PHACTR1: variants seen among roughly 807,000 people sequenced by gnomAD.
PHACTR1 encodes phosphatase and actin regulator 1.
A neutral mutation model predicts 69.2 loss-of-function variants in PHACTR1; 16 were observed. The observed-to-expected ratio is 0.23, with a 90% CI of 0.16 to 0.35. The LOEUF is 0.35. Among genes scored for constraint, PHACTR1 ranks in the 10% least tolerant of loss-of-function variants. PHACTR1 has a pLI of 1.00. For synonymous variants in PHACTR1, 312 were observed against 284.5 expected, an observed-to-expected ratio of 1.10 and a Z score of -0.97; for missense variants, 510 against 734.7, an observed-to-expected ratio of 0.69 and a Z score of 3.54.
intron 4 of PHACTR1, among the ~76,000 whole-genome samples, chr6:12,777,237 A>ATTT (rs1361393266): frequency 1.7e-4 from 20 of 119,794 alleles, no homozygotes; most frequent in African/African-American, 6.2e-4. Context: ...ATATATATAT[A>ATTT]TATATTTTTT....
At chr6:12,739,296 TAGAC>T (rs1457712026) in intron 3 of PHACTR1, among the ~76,000 whole-genome samples, 1 of 151,842 alleles carries the variant, frequency 6.6e-6, no homozygotes, top group African/African-American at 2.4e-5. Flanking sequence ...TTATCAGAAA[TAGAC>T]AGGATGATAG....
intron 7 of PHACTR1, among the ~76,000 whole-genome samples, chr6:13,202,381 G>C (rs896377517): frequency 2.6e-5 from 4 of 151,930 alleles, no homozygotes; most frequent in Admixed American, 1.3e-4. Flanking sequence ...ACTTGCCTTA[G>C]AGAATCAGAG....
rs115327207 is a variant in PHACTR1, at chr6:12,935,974, C to T, written c.251-117391C>T. Among the ~76,000 whole-genome samples the T allele has an allele frequency of 1.0e-2, 1,513 of 151,996 alleles. 21 individuals carry two copies. The highest frequency in any genetic ancestry group is 0.034 in the African/African-American group (1,411 of 41,436). On this transcript the variant is annotated intron_variant, in intron 4 of 14. Coordinates refer to ENST00000332995, the MANE Select transcript of PHACTR1 (RefSeq NM_030948.6). ...TGTCTGAAACCTAATGTTCTCACAA[C>T]CTACTCAAACTCCCTGCTCACCTAG...
At chr6:12,952,386 C>A (rs144246163) in intron 4 of PHACTR1, among the ~76,000 whole-genome samples, 95 of 152,328 alleles carry the variant, frequency 6.2e-4, no homozygotes, top group African/African-American at 2.1e-3. Flanking sequence ...GTGCTCCACT[C>A]ATTCATCACT....
At chr6:13,028,743 G>A (rs1802039159) in intron 4 of PHACTR1, among the ~76,000 whole-genome samples, 1 of 152,180 alleles carries the variant, frequency 6.6e-6, no homozygotes, top group African/African-American at 2.4e-5. Flanking sequence ...AGTATCTCTA[G>A]ACCTTGCCAA....
intron 4 of PHACTR1, among the ~76,000 whole-genome samples, chr6:12,795,993 A>T (rs187938531): frequency 2.2e-3 from 341 of 152,296 alleles, no homozygotes; most frequent in African/African-American, 7.8e-3. Context: ...CAACATATAC[A>T]TCTGTGTTCC....
At chr6:12,776,669 G>A (rs1165249361) in intron 4 of PHACTR1, among the ~76,000 whole-genome samples, 2 of 152,150 alleles carry the variant, frequency 1.3e-5, no homozygotes, top group Admixed American at 1.3e-4. Context: ...CAGAATGGAT[G>A]TATTATTTTA....
At chr6:13,133,441 G>A (rs901631928) in intron 5 of PHACTR1, among the ~76,000 whole-genome samples, 21 of 151,898 alleles carry the variant, frequency 1.4e-4, no homozygotes, top group Admixed American at 3.9e-4. Context: ...TTGCAGGCGC[G>A]CGCCGCCACA....
intron 5 of PHACTR1, among the ~76,000 whole-genome samples, chr6:13,121,427 C>T (rs1040865383): frequency 1.3e-5 from 2 of 152,094 alleles, no homozygotes; most frequent in African/African-American, 2.4e-5. Flanking sequence ...AGATAGGTCA[C>T]GTCTTCTCAT....
At chr6:12,940,100 C>G (rs1789912999) in intron 4 of PHACTR1, among the ~76,000 whole-genome samples, 1 of 152,166 alleles carries the variant, frequency 6.6e-6, no homozygotes, top group South Asian at 2.1e-4. Flanking sequence ...ATTACCCAAA[C>G]TTTAAAAATA....
In PHACTR1 at chr6:13,002,434, G is replaced by A. The variant is rs936905556; in HGVS notation, c.251-50931G>A. 5.3e-5 allele frequency among the ~76,000 whole-genome samples: 8 copies of A among 152,094 alleles called. No individual in the cohort carries two copies. In the South Asian group the frequency reaches 6.2e-4, roughly 12 times the overall value. ...CTCATTATTTATTTGTTAACAAAAC[G>A]TAGGAAAAATTTTAGGAGAAAGCAT... On this transcript the variant is annotated intron_variant, in intron 4 of 14. Transcript: ENST00000332995.
At chr6:12,724,967 G>A (rs775119551) in intron 3 of PHACTR1, among the ~76,000 whole-genome samples, 16 of 151,904 alleles carry the variant, frequency 1.1e-4, no homozygotes, top group East Asian at 5.8e-4. Context: ...AATAACACTC[G>A]GCATTAGAAC....
chr6:12,966,034 A>C (rs570591512), intron 4 of PHACTR1, among the ~76,000 whole-genome samples: 1 of 152,160 alleles, frequency 6.6e-6, no homozygotes, highest in Non-Finnish European at 1.5e-5. Flanking sequence ...TAAATGATTG[A>C]GGGAGTAGAA....
chr6:12,911,345 CA>C (rs911052120), intron 4 of PHACTR1, among the ~76,000 whole-genome samples: 4 of 150,166 alleles, frequency 2.7e-5, no homozygotes, highest in African/African-American at 7.4e-5. Context: ...TTGTGTCTTC[CA>C]AAAAAAAAGA....
chr6:13,202,406 A>T (rs182719740), intron 7 of PHACTR1, among the ~76,000 whole-genome samples: 2 of 152,016 alleles, frequency 1.3e-5, no homozygotes, highest in East Asian at 3.9e-4. Flanking sequence ...CAAATGAAGG[A>T]CTATGGGTTA....
At chr6:13,160,494 T>C (rs1171462452) in intron 6 of PHACTR1, among the ~76,000 whole-genome samples, 3 of 152,172 alleles carry the variant, frequency 2.0e-5, no homozygotes, top group African/African-American at 7.2e-5. Context: ...AAAACTCCCT[T>C]TTCTGAGCAT....
At chr6:13,094,410 T>C (rs1390517972) in intron 5 of PHACTR1, among the ~76,000 whole-genome samples, 1 of 151,598 alleles carries the variant, frequency 6.6e-6, no homozygotes, top group Admixed American at 6.6e-5. Flanking sequence ...TTCTCCTGCC[T>C]CAGCCTCCTG....
intron 13 of PHACTR1, among the ~76,000 whole-genome samples, chr6:13,284,665 C>T (rs1253816363): frequency 6.7e-6 from 1 of 149,124 alleles, no homozygotes; most frequent in Non-Finnish European, 1.5e-5. Context: ...GGGCCTTCTG[C>T]TCAACAGTCC....
chr6:13,215,961 G>T (rs1252369993), intron 8 of PHACTR1, among the ~76,000 whole-genome samples: 1 of 150,012 alleles, frequency 6.7e-6, no homozygotes, highest in East Asian at 1.9e-4. Flanking sequence ...TAGGCACAGA[G>T]TAACAAAGCA....
Sources: allele counts gnomAD v4.1 joint callset (sites outside exome capture counted in the v4.1 genomes callset), GRCh38; gene constraint gnomAD v4.1.1; transcripts MANE v1.5; gene names NCBI Gene and HGNC (gene_info 2026-07-23, HGNC 2026-07-21).